Variants in ORC1 observed in about 807,000 individuals in gnomAD.
The protein encoded by ORC1 is origin recognition complex subunit 1.
A neutral mutation model predicts 98.9 loss-of-function variants in ORC1; 61 were observed. The ratio of observed to expected loss-of-function variants is 0.62; its 90% CI spans 0.50 to 0.76. The LOEUF is 0.76. ORC1 is among the 30% of genes least tolerant of loss of function. ORC1 has a pLI of 0.00. For synonymous variants in ORC1, 385 were observed against 406.9 expected, an observed-to-expected ratio of 0.95 and a Z score of 0.65; for missense variants, 979 against 1,072.2, an observed-to-expected ratio of 0.91 and a Z score of 1.21.
intron 4 of ORC1, 42 bp from the exon 5 acceptor site, chr1:52,396,406 C>T: frequency 6.2e-7 from 1 of 1,612,588 alleles, no homozygotes; most frequent in East Asian, 2.2e-5. Flanking sequence ...AGATGAGCCC[C>T]AAGAGAGCCA....
intron 10 of ORC1, among the ~76,000 whole-genome samples, 191 bp from the exon 11 acceptor site, chr1:52,384,912 G>A (rs1319944139): frequency 6.6e-6 from 1 of 152,120 alleles, no homozygotes; most frequent in Non-Finnish European, 1.5e-5. Context: ...TCATTCCACA[G>A]TTTGCATAAT....
In ORC1 at chr1:52,388,631, T is replaced by A. The variant is rs1647175020; in HGVS notation, c.1194A>T (p.Leu398=). Residue 398 remains leucine, a synonymous_variant, in exon 8 of 17, where the codon CTA becomes CTT. Coordinates refer to ENST00000371568, the MANE Select transcript of ORC1 (RefSeq NM_004153.4). ...CTTCTTGGTCACTTTTACTATTACC[T>A]AGAAACCTGAATGGTAGGGACATAT... ...MNRIRQQLRF[L]GNSKSDQEEK... 2 of 1,613,104 alleles carry A rather than the reference T, an allele frequency of 1.2e-6. No homozygotes were observed. The highest frequency in any genetic ancestry group is 1.7e-6 in the Non-Finnish European group (2 of 1,179,310).
intron 6 of ORC1, among the ~76,000 whole-genome samples, chr1:52,389,560 A>C (rs553604268): frequency 3.9e-5 from 6 of 152,296 alleles, no homozygotes; most frequent in Non-Finnish European, 5.9e-5. Flanking sequence ...AATTAGACTC[A>C]CCAACTCCCC....
intron 14 of ORC1, among the ~76,000 whole-genome samples, chr1:52,380,388 C>T (rs1161028226): frequency 6.6e-6 from 1 of 152,148 alleles, no homozygotes; most frequent in African/African-American, 2.4e-5. Flanking sequence ...CGGGAAAGGA[C>T]AATTTCAAAT....
intron 3 of ORC1, among the ~76,000 whole-genome samples, chr1:52,398,421 G>A (rs376562297): frequency 7.3e-5 from 11 of 150,680 alleles, no homozygotes; most frequent in African/African-American, 2.4e-4. Context: ...GTGCCACCAC[G>A]CCTGGCTAAT....
chr1:52,396,176 T>C lies in ORC1; in HGVS notation c.591A>G (p.Ala197=), dbSNP rs1379736702. 6.8e-6 allele frequency: 11 copies of C among 1,614,194 alleles called. No homozygotes were observed. Among genetic ancestry groups the C allele is most frequent in the Non-Finnish European group, 9.3e-6 (11 of 1,180,030 alleles). The part of the protein sequence containing the change: ...QKPVRAKSKS[A]ESPSWTPAEH... ...CTGCTGGGGTCCAAGAAGGGCTCTC[T>C]GCACTCTTACTCTTGGCTCTCACGG... is the stretch of plus-strand genomic sequence containing the variant. Residue 197 remains alanine (A), a synonymous_variant, in exon 5 of 17, where the codon GCA becomes GCG. Transcript: ENST00000371568.
chr1:52,387,569 C>T (rs1204747218), intron 8 of ORC1, among the ~76,000 whole-genome samples: 1 of 152,158 alleles, frequency 6.6e-6, no homozygotes, highest in East Asian at 1.9e-4. Flanking sequence ...GTGATTCTCC[C>T]GCCTCAGCCT....
intron 1 of ORC1, among the ~76,000 whole-genome samples, chr1:52,403,002 T>C (rs2147949506): frequency 6.6e-6 from 1 of 152,352 alleles, no homozygotes; most frequent in South Asian, 2.1e-4. Context: ...AAAGCCAGAC[T>C]GCAATTACTG....
chr1:52,395,690 C>T (rs1354213043), intron 5 of ORC1, among the ~76,000 whole-genome samples: 1 of 152,176 alleles, frequency 6.6e-6, no homozygotes, highest in African/African-American at 2.4e-5. Flanking sequence ...GTGGTACACA[C>T]TTGTAGTCCC....
chr1:52,381,065 C>T (rs973953677), intron 14 of ORC1, among the ~76,000 whole-genome samples: 1 of 152,168 alleles, frequency 6.6e-6, no homozygotes, highest in African/African-American at 2.4e-5. Context: ...CTGCTTGAGG[C>T]AGACATTTAA....
chr1:52,404,997 C>T (rs1196215648), upstream of ORC1: 5 of 1,267,498 alleles, frequency 3.9e-6, no homozygotes, highest in Non-Finnish European at 5.5e-6. Context: ...GTATGTCGAT[C>T]ATTCAGAAAA....
In ORC1 at chr1:52,388,450, T is replaced by C. The variant is rs1448488688; in HGVS notation, c.1375A>G (p.Lys459Glu). Residue 459 changes from lysine to glutamate, a missense_variant, in exon 8 of 17, where the codon AAG becomes GAG. Transcript: ENST00000371568. ...ACCTAGAAGAACCTTACACTCTTCT[T>C]TGGCACCTTCGTGAGGGTATGTAAG... ...SSLHTLTKVP[K>E]KSLKPRTPRC... 10 of 1,613,808 alleles carry C rather than the reference T, an allele frequency of 6.2e-6. No individual in the cohort carries two copies. The highest frequency in any genetic ancestry group is 1.1e-5 in the South Asian group (1 of 91,078).
chr1:52,374,569 T>TTGAA (rs1247611132), intron 16 of ORC1, among the ~76,000 whole-genome samples: 1 of 152,262 alleles, frequency 6.6e-6, no homozygotes, highest in African/African-American at 2.4e-5. Context: ...TTTGTCTTGT[T>TTGAA]CCTCATTCTT....
At chr1:52,404,550 A>T, upstream of ORC1, 3 of 537,728 alleles carry the variant, frequency 5.6e-6, no homozygotes, top group South Asian at 6.5e-5. Context: ...ATCCGCTAAC[A>T]TGCAGCCGCC....
rs1022575148 is a variant in ORC1 at position 52,393,709 on chromosome 1, G to A, written c.816C>T (p.Thr272=). 6.2e-7 allele frequency: 1 copy of A among 1,613,896 alleles called. No homozygotes were observed. Among genetic ancestry groups the A allele is most frequent in the African/African-American group, 1.3e-5 (1 of 74,882 alleles). ...IKRKVAFSEI[T]SPSKRSQPDK... Reference sequence around the variant, plus strand: ...CAGGCTGAGATCTCTTAGAAGGTGAGGTGATCTCCGAGAAGGCCACTTTCC... The same window carrying A: ...CAGGCTGAGATCTCTTAGAAGGTGAAGTGATCTCCGAGAAGGCCACTTTCC... Residue 272 remains threonine (T), a synonymous_variant, in exon 6 of 17, where the codon ACC becomes ACT. Transcript: ENST00000371568.
intron 3 of ORC1, among the ~76,000 whole-genome samples, chr1:52,398,332 C>G (rs1257153109): frequency 6.8e-6 from 1 of 147,464 alleles, no homozygotes; most frequent in Non-Finnish European, 1.5e-5. Context: ...GGCGTGATCT[C>G]GGCTCACTGC....
Position 52,383,419 on chromosome 1 carries a change from C to G in ORC1, c.2013+1G>C. 1 of 1,612,402 alleles carries G rather than the reference C, an allele frequency of 6.2e-7. No individual in the cohort carries two copies. Among genetic ancestry groups the G allele is most frequent in the South Asian group, 1.1e-5 (1 of 91,008 alleles). On this transcript the variant is annotated splice_donor_variant, in intron 13 of 16. Transcript: ENST00000371568. LOFTEE classifies it high-confidence loss of function. ...AGCATGGGAACTGCCCTAGAACCTA[C>G]CAGTCGGCTGGACACCCGGTTCATC...
chr1:52,382,454 A>T (rs1211869245), intron 13 of ORC1, among the ~76,000 whole-genome samples: 1 of 151,540 alleles, frequency 6.6e-6, no homozygotes, highest in Non-Finnish European at 1.5e-5. Flanking sequence ...GCTCTTCATG[A>T]TTTCTCATTG....
At chr1:52,383,729 T>C in intron 12 of ORC1, 101 bp downstream of exon 12, 2 of 1,286,322 alleles carry the variant, frequency 1.6e-6, no homozygotes, top group Non-Finnish European at 2.2e-6. Context: ...AATGGGCTCA[T>C]ATGAATGGAG....
Sources: allele counts gnomAD v4.1 joint callset (sites outside exome capture counted in the v4.1 genomes callset), GRCh38; gene constraint gnomAD v4.1.1; transcripts MANE v1.5; gene names NCBI Gene and HGNC (gene_info 2026-07-23, HGNC 2026-07-21).